NOTCH1: variants seen among roughly 807,000 people sequenced by gnomAD.
The protein encoded by NOTCH1 is neurogenic locus notch homolog protein 1.
NOTCH1 carries 37 observed loss-of-function variants against 254.8 expected under a neutral mutation model. The observed-to-expected ratio is 0.15, with a 90% CI of 0.11 to 0.19. NOTCH1 has a LOEUF of 0.19. Among genes scored for constraint, NOTCH1 ranks in the 10% least tolerant of loss-of-function variants. The probability of loss-of-function intolerance (pLI) is 1.00; values close to 1 mark genes in which losing one functional copy is unlikely to be tolerated. For missense variants in NOTCH1, 2,972 were observed against 3,708.6 expected (o/e 0.80, Z 5.16); for synonymous variants, 1,731 against 1,618.1 (o/e 1.07, Z -1.68).
chr9:136,496,655 T>C lies in NOTCH1; in HGVS notation c.7084A>G (p.Met2362Val), dbSNP rs1842919892. Residue 2362 changes from methionine to valine, a missense_variant, in exon 34 of 34, where the codon ATG becomes GTG. Transcript: ENST00000651671. ...SSLAASALSQ[M>V]MSYQGLPSTR... ...CTGGGCAGGCCCTGGTAGCTCATCA[T>C]CTGGGACAGGGCGCTGGCAGCAAGG... The C allele has an allele frequency of 6.2e-7, 1 of 1,612,988 alleles. No individual in the cohort carries two copies. Among genetic ancestry groups the C allele is most frequent in the Non-Finnish European group, 8.5e-7 (1 of 1,179,970 alleles).
At position 136,513,681 on chromosome 9, in the gene NOTCH1, G is replaced by A. The variant is rs1227822729; in HGVS notation, c.2208-144C>T. 2 of 892,926 alleles carry A rather than the reference G, an allele frequency of 2.2e-6. No individual in the cohort carries two copies. The highest frequency in any genetic ancestry group is 3.5e-6 in the Non-Finnish European group (2 of 574,148). 55.3% of individuals were successfully genotyped at this position (892,926 alleles called of 1,614,324 possible). On this transcript the variant is annotated intron_variant, in intron 13 of 33. Coordinates refer to ENST00000651671, the MANE Select transcript of NOTCH1 (RefSeq NM_017617.5). This position sits in a 1 kb window ranked among gnomAD's most constrained non-coding sequence, Gnocchi z 4.7. ...CAGAGTCCTTTAGTGGGGGCAGGCTGGGCGCTGTGGCTCACACCTGTAATC... is the reference window on the plus strand; with the variant it reads ...CAGAGTCCTTTAGTGGGGGCAGGCTAGGCGCTGTGGCTCACACCTGTAATC...
Position 136,523,157 on chromosome 9 carries a change from G to A in NOTCH1, c.435C>T (p.Ala145=), listed in dbSNP as rs2133377960. The A allele has an allele frequency of 6.2e-7, 1 of 1,605,360 alleles. No individual in the cohort carries two copies. ...GKSCQQADPC[A]SNPCANGGQC... ...GGCCACCGTTGGCGCAGGGGTTGGA[G>A]GCGCACGGGTCAGCCTGCTGGCACG... is the stretch of plus-strand genomic sequence containing the variant. The change falls in exon 4 of 34, where the codon GCC becomes GCT. Residue 145 remains alanine, a synonymous_variant. Coordinates refer to ENST00000651671, the MANE Select transcript of NOTCH1 (RefSeq NM_017617.5).
intron 2 of NOTCH1, among the ~76,000 whole-genome samples, chr9:136,531,990 G>A (rs1032040840): frequency 7.9e-5 from 12 of 152,202 alleles, no homozygotes; most frequent in Non-Finnish European, 1.6e-4. Flanking sequence ...CGCCCAGCCC[G>A]GCTCACATAC....
At chr9:136,544,177 C>T (rs1564216205) in intron 1 of NOTCH1, 75 bp from the exon 2 acceptor site, 8 of 1,372,144 alleles carry the variant, frequency 5.8e-6, no homozygotes, top group Middle Eastern at 2.5e-4. Context: ...ACCCTGGGGG[C>T]GGGGACCTGC....
intron 8 of NOTCH1, 48 bp from the exon 9 acceptor site, chr9:136,517,433 C>G (rs1843294025): frequency 1.6e-6 from 2 of 1,253,410 alleles, no homozygotes; most frequent in African/African-American, 1.5e-5. Flanking sequence ...CCCCAGTGCC[C>G]CACTGGGCAC....
Position 136,509,798 on chromosome 9 carries a change from C to T in NOTCH1, c.2904G>A (p.Thr968=), listed in dbSNP as rs758360100. The T allele has an allele frequency of 1.3e-5, 21 of 1,612,986 alleles. No homozygotes were observed. The highest frequency in any genetic ancestry group is 7.7e-5 in the South Asian group (7 of 91,094). ...CGCTGAAGCCTGCGGGGCAGGTGCA[C>T]GTGTAGCTGTCCACGCAGTCCGTGC... ...ANCTDCVDSY[T]CTCPAGFSGI... The change falls in exon 18 of 34, where the codon ACG becomes ACA. Residue 968 remains threonine (T), a synonymous_variant. Coordinates refer to ENST00000651671, the MANE Select transcript of NOTCH1 (RefSeq NM_017617.5).
At position 136,513,990 on chromosome 9, in the gene NOTCH1, C is replaced by T. The variant is rs183200349; in HGVS notation, c.2208-453G>A. Reference sequence around the variant, plus strand: ...TCAAAATAAAGAAAAAAGTGGGGGCCGCAGCGCTTCCCATACCCAAGACTG... The same window carrying T: ...TCAAAATAAAGAAAAAAGTGGGGGCTGCAGCGCTTCCCATACCCAAGACTG... On this transcript the variant is annotated intron_variant, in intron 13 of 33. Coordinates refer to ENST00000651671, the MANE Select transcript of NOTCH1 (RefSeq NM_017617.5). This position sits in a 1 kb window ranked among gnomAD's most constrained non-coding sequence, Gnocchi z 4.7. Among the ~76,000 whole-genome samples, 3 of 152,216 alleles carry T rather than the reference C, an allele frequency of 2.0e-5. No individual in the cohort carries two copies. The highest frequency in any genetic ancestry group is 1.9e-4 in the East Asian group (1 of 5,166).
Position 136,505,860 on chromosome 9 carries a change from C to G in NOTCH1, c.4036G>C (p.Glu1346Gln), listed in dbSNP as rs2133341246. Residue 1346 changes from glutamate (E) to glutamine (Q), a missense_variant, in exon 25 of 34, where the codon GAG becomes CAG. This residue lies in a region of NOTCH1 where 1,343 missense variants were observed against 1,557.0 expected (regional missense o/e 0.86). Coordinates refer to ENST00000651671, the MANE Select transcript of NOTCH1 (RefSeq NM_017617.5). ...CTGCCGCAGGTACGAGCGTCATTCT[C>G]ACACGTGGCGCCCTCGAAGCCCTGC... ...CPAGFEGATC[E>Q]NDARTCGSLR... The G allele has an allele frequency of 6.3e-7, 1 of 1,594,044 alleles. No homozygotes were observed. The highest frequency in any genetic ancestry group is 1.1e-5 in the South Asian group (1 of 90,390).
chr9:136,542,981 CCT>C (rs1375614586), intron 2 of NOTCH1: 1 of 153,346 alleles, frequency 6.5e-6, no homozygotes, highest in Non-Finnish European at 1.5e-5. Context: ...TTCCCGGCCC[CCT>C]CAGTGCCCAT....
In NOTCH1 at chr9:136,505,590, C is replaced by T. The variant is rs972063184; in HGVS notation, c.4306G>A (p.Ala1436Thr). The change falls in exon 25 of 34, where the codon GCC becomes ACC. Residue 1436 changes from alanine (A) to threonine (T), a missense_variant. By Grantham distance (58) the Ala-to-Thr change is moderately conservative. Around this residue, in one of 8 missense-constraint regions of NOTCH1, gnomAD observed 1,343 missense variants for 1,557.0 expected, o/e 0.86. Coordinates refer to ENST00000651671, the MANE Select transcript of NOTCH1 (RefSeq NM_017617.5). Reference protein sequence around the residue: ...HILDYSFGGGAGRDIPPPLIE... With the variant: ...HILDYSFGGGTGRDIPPPLIE... Reference sequence around the variant, plus strand: ...AGCGGCGGGGGGATGTCGCGCCCGGCCCCACCCCCGAAGCTGTAGTCCAGG... The same window carrying T: ...AGCGGCGGGGGGATGTCGCGCCCGGTCCCACCCCCGAAGCTGTAGTCCAGG... 1 of 1,610,474 alleles carries T rather than the reference C, an allele frequency of 6.2e-7. No homozygotes were observed. The highest frequency in any genetic ancestry group is 8.5e-7 in the Non-Finnish European group (1 of 1,178,870).
chr9:136,528,726 C>G (rs1843514017), intron 2 of NOTCH1, among the ~76,000 whole-genome samples: 1 of 152,118 alleles, frequency 6.6e-6, no homozygotes, highest in South Asian at 2.1e-4. Flanking sequence ...AGCCACAGGT[C>G]CAGCCCCACC....
chr9:136,500,518 A>G (rs762030264), intron 31 of NOTCH1, 34 bp downstream of exon 31: 1 of 1,606,150 alleles, frequency 6.2e-7, no homozygotes, highest in Non-Finnish European at 8.5e-7. Flanking sequence ...GGCCCTGAGG[A>G]GGGCAGGTGG....
Position 136,507,299 on chromosome 9 carries a change from C to G in NOTCH1, c.3643+6G>C. On this transcript the variant is annotated splice_donor_region_variant and intron_variant, in intron 22 of 33. Transcript: ENST00000651671. ...CAACACCAGCCCTCCGTGCAGCGGCCCTTACCCTGAGTGCCCCGTGGGCAG... is the reference window on the plus strand; with the variant it reads ...CAACACCAGCCCTCCGTGCAGCGGCGCTTACCCTGAGTGCCCCGTGGGCAG... The G allele has an allele frequency of 6.2e-7, 1 of 1,612,890 alleles. No homozygotes were observed. The highest frequency in any genetic ancestry group is 1.1e-5 in the South Asian group (1 of 91,092).
At position 136,495,759 on chromosome 9, in the gene NOTCH1, T is replaced by C; in HGVS notation, c.*312A>G. On this transcript the variant is annotated 3_prime_UTR_variant, in exon 34 of 34. Transcript: ENST00000651671. ...TAAATCATGAATCTTTGTTTATATT[T>C]TATAAACACAGAAGAATCTTTTCAT... is the stretch of plus-strand genomic sequence containing the variant. The C allele has an allele frequency of 2.4e-6, 1 of 415,824 alleles. No homozygotes were observed. Among genetic ancestry groups the C allele is most frequent in the Non-Finnish European group, 4.3e-6 (1 of 234,776 alleles). The allele number at this position is 415,824 out of a possible 1,614,324, so 25.8% of individuals were successfully genotyped here.
At position 136,505,570 on chromosome 9, in the gene NOTCH1, CG is replaced by C; in HGVS notation, c.4325del (p.Pro1442ArgfsTer3). 1 of 1,610,436 alleles carries C rather than the reference CG, an allele frequency of 6.2e-7. No homozygotes were observed. On this transcript the variant is annotated frameshift_variant, in exon 25 of 34. Transcript: ENST00000651671. LOFTEE classifies it high-confidence loss of function. ...GCTCGCACGCCTCCTCGATCAGCGGCGGGGGGATGTCGCGCCCGGCCCCACC... is the reference window on the plus strand; with the variant it reads ...GCTCGCACGCCTCCTCGATCAGCGGCGGGGGATGTCGCGCCCGGCCCCACC... ...FGGGAGRDIP[P>X]PLIEEACELP...
At chr9:136,538,122 T>A (rs1843682204) in intron 2 of NOTCH1, among the ~76,000 whole-genome samples, 2 of 151,918 alleles carry the variant, frequency 1.3e-5, no homozygotes, top group South Asian at 4.2e-4. Context: ...TATGAATAAG[T>A]CATCACCCAG....
At position 136,497,245 on chromosome 9, in the gene NOTCH1, C is replaced by A. The variant is rs764255955; in HGVS notation, c.6494G>T (p.Gly2165Val). Residue 2165 changes from glycine to valine, a missense_variant, in exon 34 of 34, where the codon GGC becomes GTC. By Grantham distance (109) the Gly-to-Val change is moderately radical. Coordinates refer to ENST00000651671, the MANE Select transcript of NOTCH1 (RefSeq NM_017617.5). ...GGCCTCCTTGCTTCCACAGGCCAGG[C>A]CTTTGCTGCTGGGCTTGCGGACCTT... ...GKKVRKPSSK[G>V]LACGSKEAKD... 2 of 1,612,308 alleles carry A rather than the reference C, an allele frequency of 1.2e-6. No homozygotes were observed. Among genetic ancestry groups the A allele is most frequent in the Non-Finnish European group, 8.5e-7 (1 of 1,179,944 alleles).
chr9:136,530,191 G>C (rs996526502), intron 2 of NOTCH1, among the ~76,000 whole-genome samples: 1 of 152,226 alleles, frequency 6.6e-6, no homozygotes, highest in African/African-American at 2.4e-5. Context: ...GGTCTGAGCC[G>C]GGGCCAGGCT....
chr9:136,510,537 G>A (rs995450462), intron 17 of NOTCH1, 116 bp downstream of exon 17: 28 of 1,391,386 alleles, frequency 2.0e-5, no homozygotes, highest in South Asian at 3.7e-5. Context: ...AACCCTCCCC[G>A]GCCACACTCC....
Sources: allele counts gnomAD v4.1 joint callset (sites outside exome capture counted in the v4.1 genomes callset), GRCh38; gene constraint gnomAD v4.1.1; regional missense constraint gnomAD v4.1.1; non-coding constraint Gnocchi (gnomAD v3.1); transcripts MANE v1.5; gene names NCBI Gene and HGNC (gene_info 2026-07-23, HGNC 2026-07-21).